MARCHF1: variants seen among roughly 807,000 people sequenced by gnomAD.
MARCHF1 encodes the protein E3 ubiquitin-protein ligase MARCHF1.
MARCHF1 carries 40 observed loss-of-function variants against 54.2 expected under a neutral mutation model. The observed-to-expected ratio is 0.74, with a 90% CI of 0.57 to 0.96. MARCHF1 has a LOEUF of 0.96. Among genes scored for constraint, MARCHF1 ranks in the 40% least tolerant of loss-of-function variants. The pLI is 0.00. For missense variants in MARCHF1, 586 were observed against 656.5 expected, an observed-to-expected ratio of 0.89 and a Z score of 1.17; for synonymous variants, 236 against 236.3, an observed-to-expected ratio of 1.00 and a Z score of 0.01.
chr4:163,947,424 A>G (rs1468494708), intron 3 of MARCHF1, among the ~76,000 whole-genome samples: 1 of 152,168 alleles, frequency 6.6e-6, no homozygotes, highest in South Asian at 2.1e-4. Flanking sequence ...ATGAAGTTAA[A>G]GATCTTGAGA....
chr4:163,843,790 T>A (rs536265431), intron 4 of MARCHF1, among the ~76,000 whole-genome samples: 2 of 152,010 alleles, frequency 1.3e-5, no homozygotes, highest in Non-Finnish European at 2.9e-5. Flanking sequence ...AATATCTATT[T>A]TTTTTTTAAC....
chr4:164,368,821 G>C (rs1730951512), intron 1 of MARCHF1, among the ~76,000 whole-genome samples: 1 of 152,160 alleles, frequency 6.6e-6, no homozygotes, highest in African/African-American at 2.4e-5. Flanking sequence ...TGAAATATTA[G>C]AAGTTGTTTA....
At chr4:163,784,931 C>A (rs1747573808) in intron 4 of MARCHF1, among the ~76,000 whole-genome samples, 2 of 151,966 alleles carry the variant, frequency 1.3e-5, no homozygotes, top group Admixed American at 1.3e-4. Context: ...AATTCAAATC[C>A]CACATACAAA....
chr4:163,836,488 G>A (rs1206917127), intron 4 of MARCHF1, among the ~76,000 whole-genome samples: 6 of 46,626 alleles, frequency 1.3e-4, no homozygotes, highest in Non-Finnish European at 3.3e-4. Flanking sequence ...CTCGTGATCC[G>A]CCTGCCTCGG....
chr4:164,220,606 A>ATGTGCTATATATGCATATATGTAATATG (rs1560959847), intron 1 of MARCHF1, among the ~76,000 whole-genome samples: 1 of 138,886 alleles, frequency 7.2e-6, no homozygotes, highest in African/African-American at 2.6e-5. Context: ...TATGTAATAT[A>ATGTGCTATATATGCATATATGTAATATG]TATGCTATAT....
At chr4:164,270,069 A>G (rs1348812589) in intron 1 of MARCHF1, among the ~76,000 whole-genome samples, 1 of 152,152 alleles carries the variant, frequency 6.6e-6, no homozygotes. Flanking sequence ...TGAAATCTTT[A>G]TGATGGCTTG....
At chr4:164,278,157 A>G (rs1463800396) in intron 1 of MARCHF1, among the ~76,000 whole-genome samples, 1 of 152,168 alleles carries the variant, frequency 6.6e-6, no homozygotes, top group African/African-American at 2.4e-5. Flanking sequence ...AAAAAATACA[A>G]AAATTAGCCA....
At chr4:164,286,004 A>T (rs1188159032) in intron 1 of MARCHF1, among the ~76,000 whole-genome samples, 1 of 152,138 alleles carries the variant, frequency 6.6e-6, no homozygotes, top group Non-Finnish European at 1.5e-5. Flanking sequence ...GAGTAAGCAC[A>T]TAGGTAAAAT....
chr4:163,651,320 G>C (rs1353087673), intron 5 of MARCHF1, among the ~76,000 whole-genome samples: 1 of 151,814 alleles, frequency 6.6e-6, no homozygotes, highest in Non-Finnish European at 1.5e-5. Context: ...AATATGATCT[G>C]AGGGTTTAAC....
chr4:163,844,315 G>A (rs1291927769), intron 4 of MARCHF1, among the ~76,000 whole-genome samples: 3 of 152,046 alleles, frequency 2.0e-5, no homozygotes, highest in Admixed American at 1.3e-4. Context: ...TATAGATTCT[G>A]GATATTAGAC....
chr4:163,854,342 T>C (rs887940194), intron 3 of MARCHF1, among the ~76,000 whole-genome samples, 173 bp from the exon 4 acceptor site: 10 of 152,272 alleles, frequency 6.6e-5, no homozygotes, highest in African/African-American at 2.2e-4. Context: ...ACTAATATCC[T>C]AGAGTCACAG....
At chr4:163,761,192 A>G (rs962301197) in intron 4 of MARCHF1, among the ~76,000 whole-genome samples, 12 of 152,234 alleles carry the variant, frequency 7.9e-5, no homozygotes, top group African/African-American at 2.7e-4. Context: ...GCTAGAATAT[A>G]TACTTGTATA....
chr4:163,723,015 C>T (rs1468439855), intron 4 of MARCHF1, among the ~76,000 whole-genome samples: 2 of 152,098 alleles, frequency 1.3e-5, no homozygotes, highest in Admixed American at 6.6e-5. Context: ...GAGCATTTAG[C>T]CCATTTACAT....
intron 8 of MARCHF1, among the ~76,000 whole-genome samples, chr4:163,567,556 G>C (rs1157745016): frequency 6.6e-6 from 1 of 152,170 alleles, no homozygotes; most frequent in African/African-American, 2.4e-5. Context: ...TGAATCATGG[G>C]GGTGGGTATT....
intron 2 of MARCHF1, among the ~76,000 whole-genome samples, chr4:164,064,572 G>T (rs923961855): frequency 4.6e-5 from 7 of 152,134 alleles, no homozygotes; most frequent in Admixed American, 2.6e-4. Flanking sequence ...GGATTTTCTA[G>T]ATATAGAACC....
chr4:163,716,138 G>T (rs1745247662), intron 4 of MARCHF1, among the ~76,000 whole-genome samples: 1 of 152,040 alleles, frequency 6.6e-6, no homozygotes, highest in Non-Finnish European at 1.5e-5. Context: ...GAACAAAATT[G>T]AACTTTTATG....
chr4:163,537,294 G>A (rs1738568188), intron 9 of MARCHF1, among the ~76,000 whole-genome samples: 1 of 152,096 alleles, frequency 6.6e-6, no homozygotes, highest in Non-Finnish European at 1.5e-5. Context: ...TGTTAGACTA[G>A]TCAGTTTCTA....
intron 2 of MARCHF1, among the ~76,000 whole-genome samples, chr4:164,010,741 T>C (rs1753403443): frequency 6.6e-6 from 1 of 152,086 alleles, no homozygotes; most frequent in Non-Finnish European, 1.5e-5. Flanking sequence ...ACCAATGTTA[T>C]CATTCACAGA....
chr4:163,890,713 T>C (rs1462975597), intron 3 of MARCHF1, among the ~76,000 whole-genome samples: 1 of 152,118 alleles, frequency 6.6e-6, no homozygotes, highest in East Asian at 1.9e-4. Flanking sequence ...TTTAAGTTTT[T>C]ATAATAATTG....
Sources: allele counts gnomAD v4.1 joint callset (sites outside exome capture counted in the v4.1 genomes callset), GRCh38; gene constraint gnomAD v4.1.1; transcripts MANE v1.5; gene names NCBI Gene and HGNC (gene_info 2026-07-23, HGNC 2026-07-21).